CRADD: variants seen among roughly 807,000 people sequenced by gnomAD.
CRADD encodes CARD and death domain containing adaptor protein, also known as death domain-containing protein CRADD.
Under a neutral mutation model 15.5 loss-of-function variants are expected in CRADD, and 9 were observed. That is an observed-to-expected ratio of 0.58 (90% CI 0.35 to 1.01). The LOEUF (loss-of-function observed/expected upper bound fraction) is 1.01, where lower values mean the gene tolerates loss of function less well. CRADD is among the 50% of genes least tolerant of loss of function. The probability of loss-of-function intolerance (pLI) is 0.02; values close to 1 mark genes in which losing one functional copy is unlikely to be tolerated. For missense variants in CRADD, 227 were observed against 250.3 expected, an observed-to-expected ratio of 0.91 and a Z score of 0.63; for synonymous variants, 118 against 107.6, an observed-to-expected ratio of 1.10 and a Z score of -0.60.
At chr12:93,826,478 A>T (rs992437165) in intron 2 of CRADD, among the ~76,000 whole-genome samples, 1 of 152,234 alleles carries the variant, frequency 6.6e-6, no homozygotes, top group Admixed American at 6.5e-5. Flanking sequence ...CCTGTGATTT[A>T]TAGTTGTTTT....
At chr12:93,875,068 C>T (rs965942705) in intron 2 of CRADD, among the ~76,000 whole-genome samples, 23 of 152,094 alleles carry the variant, frequency 1.5e-4, no homozygotes, top group South Asian at 2.1e-4. Flanking sequence ...CCCTTCAGCT[C>T]TAATATTTGT....
chr12:93,763,612 C>CT (rs1043548795), intron 2 of CRADD, among the ~76,000 whole-genome samples: 30 of 149,856 alleles, frequency 2.0e-4, no homozygotes, highest in African/African-American at 7.3e-4. Flanking sequence ...ATTTTTTTTT[C>CT]TTTTTTGTCT....
chr12:93,748,086 G>T (rs1956783279), intron 2 of CRADD, among the ~76,000 whole-genome samples: 1 of 152,156 alleles, frequency 6.6e-6, no homozygotes, highest in Admixed American at 6.5e-5. Flanking sequence ...ATATCTTTGA[G>T]TGGCATCCCA....
chr12:93,864,753 G>C (rs969458641), intron 2 of CRADD, among the ~76,000 whole-genome samples: 1 of 152,166 alleles, frequency 6.6e-6, no homozygotes, highest in Non-Finnish European at 1.5e-5. Flanking sequence ...GTACCCCTCA[G>C]TACGGGGAAA....
At chr12:93,689,411 AGT>A (rs1172823085) in intron 2 of CRADD, among the ~76,000 whole-genome samples, 1 of 152,150 alleles carries the variant, frequency 6.6e-6, no homozygotes, top group African/African-American at 2.4e-5. Flanking sequence ...AGCAGTAAGG[AGT>A]GTATACATAT....
At chr12:93,686,304 CAA>C (rs59096792) in intron 2 of CRADD, among the ~76,000 whole-genome samples, 4 of 65,992 alleles carry the variant, frequency 6.1e-5, no homozygotes, top group Admixed American at 2.0e-4. Flanking sequence ...CCATCCCCCC[CAA>C]AAAAAAAAAA....
chr12:93,718,261 G>C (rs1165999190), intron 2 of CRADD, among the ~76,000 whole-genome samples: 2 of 152,170 alleles, frequency 1.3e-5, no homozygotes, highest in Non-Finnish European at 2.9e-5. Flanking sequence ...GTTGAGAATA[G>C]CTGACATTTT....
chr12:93,878,937 C>A (rs1032475659), intron 2 of CRADD, among the ~76,000 whole-genome samples: 5 of 152,138 alleles, frequency 3.3e-5, no homozygotes, highest in Non-Finnish European at 5.9e-5. Context: ...AAATTGGTGT[C>A]CTTGCTGGGG....
intron 2 of CRADD, among the ~76,000 whole-genome samples, chr12:93,712,906 G>T (rs1956098902): frequency 6.6e-6 from 1 of 151,904 alleles, no homozygotes; most frequent in Non-Finnish European, 1.5e-5. Context: ...TTTTTTTCAG[G>T]TGACTACTGA....
intron 2 of CRADD, among the ~76,000 whole-genome samples, chr12:93,684,971 A>G (rs1326210070): frequency 6.6e-6 from 1 of 152,146 alleles, no homozygotes; most frequent in Non-Finnish European, 1.5e-5. Flanking sequence ...TGCAGCCGTG[A>G]TCTTGTGTGG....
intron 2 of CRADD, among the ~76,000 whole-genome samples, chr12:93,761,306 G>C (rs1956958457): frequency 6.6e-6 from 1 of 152,178 alleles, no homozygotes; most frequent in Non-Finnish European, 1.5e-5. Flanking sequence ...AGTGTGAAGG[G>C]TACACGGGGG....
At chr12:93,800,847 G>T (rs1008177435) in intron 2 of CRADD, among the ~76,000 whole-genome samples, 2 of 151,892 alleles carry the variant, frequency 1.3e-5, no homozygotes, top group African/African-American at 4.8e-5. Flanking sequence ...ATAATGTTTC[G>T]CCAGCTATCT....
intron 2 of CRADD, among the ~76,000 whole-genome samples, chr12:93,762,059 G>T (rs1956971998): frequency 6.6e-6 from 1 of 152,182 alleles, no homozygotes; most frequent in African/African-American, 2.4e-5. Context: ...CTCAGCAGAA[G>T]GAAGAGCCCA....
chr12:93,836,797 GCCTGGAGTACAT>G (rs1957977505), intron 2 of CRADD, among the ~76,000 whole-genome samples: 1 of 152,214 alleles, frequency 6.6e-6, no homozygotes, highest in South Asian at 2.1e-4. Context: ...TACCCTGGGT[GCCTGGAGTACAT>G]CACTGAGCAG....
At chr12:93,826,430 G>T (rs560758770) in intron 2 of CRADD, among the ~76,000 whole-genome samples, 12 of 152,324 alleles carry the variant, frequency 7.9e-5, no homozygotes, top group African/African-American at 2.9e-4. Context: ...GCAGCCTCTG[G>T]AATTTTTCCT....
intron 2 of CRADD, among the ~76,000 whole-genome samples, chr12:93,814,931 A>G (rs1322567583): frequency 6.6e-6 from 1 of 152,210 alleles, no homozygotes; most frequent in Non-Finnish European, 1.5e-5. Context: ...ATTTTGCTCA[A>G]ATTATGCAGT....
At chr12:93,750,255 G>A (rs1956814454) in intron 2 of CRADD, among the ~76,000 whole-genome samples, 1 of 151,260 alleles carries the variant, frequency 6.6e-6, no homozygotes, top group South Asian at 2.1e-4. Flanking sequence ...GGTTATCATG[G>A]ACAACTGAAT....
chr12:93,814,918 C>T (rs1306096233), intron 2 of CRADD, among the ~76,000 whole-genome samples: 1 of 152,144 alleles, frequency 6.6e-6, no homozygotes, highest in Non-Finnish European at 1.5e-5. Flanking sequence ...GATTTTGCCC[C>T]ACATTTTGCT....
chr12:93,786,758 T>G (rs991535917), intron 2 of CRADD, among the ~76,000 whole-genome samples: 2 of 152,114 alleles, frequency 1.3e-5, no homozygotes, highest in Non-Finnish European at 2.9e-5. Context: ...CCTTTGACAA[T>G]GAGGAAACAC....
Sources: allele counts gnomAD v4.1 joint callset (sites outside exome capture counted in the v4.1 genomes callset), GRCh38; gene constraint gnomAD v4.1.1; transcripts MANE v1.5; gene names NCBI Gene and HGNC (gene_info 2026-07-23, HGNC 2026-07-21).